The following DCDC2 variants were observed in gnomAD, a reference collection of about 807,000 sequenced individuals.
DCDC2 encodes doublecortin domain containing 2.
A neutral mutation model predicts 50.2 loss-of-function variants in DCDC2; 40 were observed. The observed-to-expected ratio is 0.80, with a 90% confidence interval of 0.62 to 1.04. The LOEUF (loss-of-function observed/expected upper bound fraction) is 1.04, where lower values mean the gene tolerates loss of function less well. Ranked by LOEUF, DCDC2 falls within the 50% of genes least tolerant of loss-of-function variation. The pLI is 0.00. For missense variants in DCDC2, 570 were observed against 581.9 expected (o/e 0.98, Z 0.21); for synonymous variants, 234 against 210.6 (o/e 1.11, Z -0.96).
At chr6:24,186,300 G>C (rs182885040) in intron 8 of DCDC2, among the ~76,000 whole-genome samples, 3 of 152,292 alleles carry the variant, frequency 2.0e-5, no homozygotes, top group East Asian at 3.9e-4. Flanking sequence ...GTGCTTCTTA[G>C]AGCACTTTCA....
the DCDC2 span, among the ~76,000 whole-genome samples, chr6:24,372,344 G>A: frequency 6.6e-6 from 1 of 151,904 alleles, no homozygotes; most frequent in South Asian, 2.1e-4. Flanking sequence ...GCGTGAACCC[G>A]GGAGGCGGAG....
chr6:24,350,417 C>CAA (rs1760346713), intron 2 of DCDC2, among the ~76,000 whole-genome samples: 1 of 152,176 alleles, frequency 6.6e-6, no homozygotes, highest in Non-Finnish European at 1.5e-5. Flanking sequence ...TGCATGACTC[C>CAA]ACTGAAATGC....
At chr6:24,179,195 A>C (rs529188366) in intron 8 of DCDC2, among the ~76,000 whole-genome samples, 5 of 152,232 alleles carry the variant, frequency 3.3e-5, no homozygotes, top group African/African-American at 1.2e-4. Flanking sequence ...CTCTAAACAC[A>C]ATAACTGATT....
rs143277964 is a variant in DCDC2, at chr6:24,251,793, A to C, written c.922+26256T>G. Among the ~76,000 whole-genome samples, 378 of 152,334 alleles carry C rather than the reference A, an allele frequency of 2.5e-3. 2 individuals carry two copies. Among genetic ancestry groups the C allele is most frequent in the African/African-American group, 8.7e-3 (361 of 41,584 alleles). On this transcript the variant is annotated intron_variant, in intron 7 of 9. Coordinates refer to ENST00000378454, the MANE Select transcript of DCDC2 (RefSeq NM_016356.5). The stretch of plus-strand genomic sequence containing the variant: ...CATCTGTTATCTTTCTATGCACATT[A>C]TAATCTCAAATCACATAATTTTTCC...
At chr6:24,291,815 G>A (rs1339891577) in intron 4 of DCDC2, among the ~76,000 whole-genome samples, 1 of 152,114 alleles carries the variant, frequency 6.6e-6, no homozygotes, top group Admixed American at 6.5e-5. Flanking sequence ...TATTTTCTTA[G>A]CATATTCATC....
chr6:24,320,537 G>A (rs994573505), intron 2 of DCDC2, among the ~76,000 whole-genome samples: 1 of 152,090 alleles, frequency 6.6e-6, no homozygotes, highest in African/African-American at 2.4e-5. Flanking sequence ...TCACCATGTT[G>A]GCCAGGCTGG....
At chr6:24,328,732 C>T (rs899627688) in intron 2 of DCDC2, among the ~76,000 whole-genome samples, 9 of 152,262 alleles carry the variant, frequency 5.9e-5, no homozygotes, top group East Asian at 3.9e-4. Context: ...CCTTATCATG[C>T]AATATTAATT....
intron 7 of DCDC2, among the ~76,000 whole-genome samples, chr6:24,256,814 A>T (rs1762906853): frequency 6.6e-6 from 1 of 152,244 alleles, no homozygotes; most frequent in African/African-American, 2.4e-5. Flanking sequence ...ATAATTTTAC[A>T]TTATAAATTG....
Position 24,242,096 on chromosome 6 carries a change from G to T in DCDC2, c.922+35953C>A, listed in dbSNP as rs143653466. 2.0e-4 allele frequency among the ~76,000 whole-genome samples: 31 copies of T among 152,196 alleles called. No homozygotes were observed. The East Asian group carries it at 4.8e-3, about 24-fold the overall frequency. On this transcript the variant is annotated intron_variant, in intron 7 of 9. Transcript: ENST00000378454. ...AGGCAGAGGCAGGAGAATCACTTGAGCCAGGAAGTTGAGGCTGTCATGAGC... is the reference window on the plus strand; with the variant it reads ...AGGCAGAGGCAGGAGAATCACTTGATCCAGGAAGTTGAGGCTGTCATGAGC...
At chr6:24,214,324 A>G (rs1161214089) in intron 7 of DCDC2, among the ~76,000 whole-genome samples, 1 of 152,228 alleles carries the variant, frequency 6.6e-6, no homozygotes, top group Non-Finnish European at 1.5e-5. Context: ...GTGTAGACAG[A>G]AAACAAAAGT....
intron 2 of DCDC2, among the ~76,000 whole-genome samples, chr6:24,348,177 A>G (rs1381093610): frequency 6.6e-6 from 1 of 152,188 alleles, no homozygotes; most frequent in Non-Finnish European, 1.5e-5. Context: ...AGTGACAAAG[A>G]GGCAGGAGGG....
chr6:24,255,370 GAA>G (rs10709872), intron 7 of DCDC2, among the ~76,000 whole-genome samples: 20 of 138,450 alleles, frequency 1.4e-4, no homozygotes, highest in South Asian at 4.6e-4. Context: ...TCATAGCACT[GAA>G]AAAAAAAAAA....
chr6:24,230,129 T>C (rs1303701819), intron 7 of DCDC2, among the ~76,000 whole-genome samples: 3 of 152,186 alleles, frequency 2.0e-5, no homozygotes, highest in Admixed American at 1.3e-4. Context: ...TTCAACAATG[T>C]TTACTGAGCA....
At chr6:24,359,523 TTA>T (rs1477352697), upstream of DCDC2, among the ~76,000 whole-genome samples, 2 of 106,400 alleles carry the variant, frequency 1.9e-5, no homozygotes, top group Admixed American at 1.5e-4. Flanking sequence ...TATATATATT[TTA>T]TATATATTTT....
intron 8 of DCDC2, among the ~76,000 whole-genome samples, chr6:24,199,711 C>G (rs1025868728): frequency 2.0e-5 from 3 of 152,024 alleles, no homozygotes; most frequent in Non-Finnish European, 1.5e-5. Flanking sequence ...ATAACAAACT[C>G]CTCCAAGCTA....
chr6:24,252,342 G>GA (rs1461081014), intron 7 of DCDC2, among the ~76,000 whole-genome samples: 4 of 152,088 alleles, frequency 2.6e-5, no homozygotes, highest in Admixed American at 2.6e-4. Context: ...ACAATGTCAG[G>GA]AATTTCTAAA....
intron 7 of DCDC2, among the ~76,000 whole-genome samples, chr6:24,273,080 C>T (rs989756332): frequency 6.0e-5 from 6 of 100,558 alleles, no homozygotes; most frequent in African/African-American, 1.7e-4. Context: ...TACATATAAA[C>T]ACACACAGTA....
chr6:24,206,599 A>T (rs1761721780), intron 7 of DCDC2, among the ~76,000 whole-genome samples: 2 of 152,356 alleles, frequency 1.3e-5, no homozygotes, highest in East Asian at 3.9e-4. Context: ...AGGCCTATAG[A>T]TACAAAAGGA....
intron 6 of DCDC2, among the ~76,000 whole-genome samples, chr6:24,280,623 G>A (rs1457493023): frequency 7.9e-5 from 12 of 151,838 alleles, no homozygotes; most frequent in Non-Finnish European, 2.9e-5. Flanking sequence ...TGCAACCTCC[G>A]CCACCTAGGT....
Sources: allele counts gnomAD v4.1 joint callset (sites outside exome capture counted in the v4.1 genomes callset), GRCh38; gene constraint gnomAD v4.1.1; transcripts MANE v1.5; gene names NCBI Gene and HGNC (gene_info 2026-07-23, HGNC 2026-07-21).